EDAR: variants seen among roughly 807,000 people sequenced by gnomAD.
EDAR encodes ectodysplasin A receptor, also known as tumor necrosis factor receptor superfamily member EDAR.
Under a neutral mutation model 51.3 loss-of-function variants are expected in EDAR, and 38 were observed. That is an observed-to-expected ratio of 0.74 (90% CI 0.57 to 0.97). EDAR has a LOEUF of 0.97. Among genes scored for constraint, EDAR ranks in the 50% least tolerant of loss-of-function variants. The probability of loss-of-function intolerance (pLI) is 0.00; values close to 1 mark genes in which losing one functional copy is unlikely to be tolerated. For missense variants in EDAR, 528 were observed against 595.0 expected (o/e 0.89, Z 1.17); for synonymous variants, 227 against 242.1 (o/e 0.94, Z 0.58).
intron 3 of EDAR, among the ~76,000 whole-genome samples, 184 bp from the exon 4 acceptor site, chr2:108,929,563 C>T (rs371746070): frequency 6.6e-6 from 1 of 152,342 alleles, no homozygotes; most frequent in South Asian, 2.1e-4. Context: ...CTGGGCTTGC[C>T]CCTCTCCTCG....
At chr2:108,916,740 C>G (rs933050078) in intron 5 of EDAR, among the ~76,000 whole-genome samples, 3 of 152,042 alleles carry the variant, frequency 2.0e-5, no homozygotes, top group Admixed American at 6.6e-5. Context: ...GATGGTGGAC[C>G]CTGACATTTC....
chr2:108,907,968 G>A lies in EDAR; in HGVS notation c.855C>T (p.Asp285=), dbSNP rs1696843350. Residue 285 remains aspartate, a synonymous_variant, in exon 10 of 12, where the codon GAC becomes GAT. Transcript: ENST00000258443. ...TGTCAGGGGCGGGCTCCTCATCACT[G>A]TCGACGCTCCGGCTCAGCAGCTGCT... ...ENEQLLSRSV[D]SDEEPAPDKQ... 1 of 1,613,102 alleles carries A rather than the reference G, an allele frequency of 6.2e-7. No individual in the cohort carries two copies. The highest frequency in any genetic ancestry group is 8.5e-7 in the Non-Finnish European group (1 of 1,179,600).
chr2:108,941,102 G>A lies in EDAR; in HGVS notation c.-18-10070C>T, dbSNP rs149073014. ...TCTAGATCTTCATATACATGGAATC[G>A]GGCAGCTGGTTTCTTTCACTGAATA... On this transcript the variant is annotated intron_variant, in intron 1 of 11. Transcript: ENST00000258443. Among the ~76,000 whole-genome samples, 626 of 152,222 alleles carry A rather than the reference G, an allele frequency of 4.1e-3. 1 individual carries two copies. Among genetic ancestry groups the A allele is most frequent in the African/African-American group, 0.014 (596 of 41,540 alleles).
intron 2 of EDAR, 85 bp from the exon 3 acceptor site, chr2:108,930,327 AGGGG>A: frequency 6.3e-7 from 1 of 1,578,856 alleles, no homozygotes; most frequent in Non-Finnish European, 8.7e-7. Flanking sequence ...TGACATAGGA[AGGGG>A]GTGCCCTGCG....
chr2:108,945,186 C>A (rs1697692113), intron 1 of EDAR, among the ~76,000 whole-genome samples: 1 of 152,146 alleles, frequency 6.6e-6, no homozygotes, highest in South Asian at 2.1e-4. Flanking sequence ...CAGCCAAGCC[C>A]AGCTTGGGTG....
At chr2:108,899,933 C>T (rs901687723) in intron 11 of EDAR, among the ~76,000 whole-genome samples, 1 of 152,018 alleles carries the variant, frequency 6.6e-6, no homozygotes, top group East Asian at 1.9e-4. Flanking sequence ...TTGCAGTGAG[C>T]CGAGATCGTG....
chr2:108,960,416 C>T (rs1484235373), intron 1 of EDAR, among the ~76,000 whole-genome samples: 1 of 152,036 alleles, frequency 6.6e-6, no homozygotes, highest in Non-Finnish European at 1.5e-5. Context: ...CTGTGGTGCT[C>T]CCCCCAAAAA....
At chr2:108,913,219 G>C (rs982661480) in intron 5 of EDAR, among the ~76,000 whole-genome samples, 1 of 152,088 alleles carries the variant, frequency 6.6e-6, no homozygotes, top group Non-Finnish European at 1.5e-5. Flanking sequence ...AAAGTGCTGG[G>C]ATTACAGGCA....
At chr2:108,968,614 G>A (rs1176855358) in intron 1 of EDAR, among the ~76,000 whole-genome samples, 2 of 152,216 alleles carry the variant, frequency 1.3e-5, no homozygotes, top group East Asian at 3.9e-4. Context: ...CAGGCATGGT[G>A]TTCTCTTTTC....
At chr2:108,965,875 TC>T (rs1354213338) in intron 1 of EDAR, among the ~76,000 whole-genome samples, 1 of 151,246 alleles carries the variant, frequency 6.6e-6, no homozygotes. Context: ...CCTTCTGTGC[TC>T]CCCCCTCTCC....
rs574026688 is a variant in EDAR, at chr2:108,911,530, A to C, written c.530-458T>G. On this transcript the variant is annotated intron_variant, in intron 6 of 11. Coordinates refer to ENST00000258443, the MANE Select transcript of EDAR (RefSeq NM_022336.4). ...TTGCACCTCATGCAATTTCAACCTA[A>C]GTGTCATTGTAAGAGCCCCAGGGCA... Among the ~76,000 whole-genome samples, 7 of 152,248 alleles carry C rather than the reference A, an allele frequency of 4.6e-5. No individual in the cohort carries two copies. The East Asian group carries it at 7.7e-4, about 17-fold the overall frequency.
chr2:108,962,477 T>C (rs1443539791), intron 1 of EDAR, among the ~76,000 whole-genome samples: 1 of 151,684 alleles, frequency 6.6e-6, no homozygotes, highest in African/African-American at 2.4e-5. Flanking sequence ...ATCGAGACCA[T>C]CCTGGCGAAC....
rs143674939 is a variant in EDAR, at chr2:108,908,019, G to A, written c.804C>T (p.Ser268=). The A allele has an allele frequency of 1.4e-5, 22 of 1,607,098 alleles. No homozygotes were observed. The highest frequency in any genetic ancestry group is 5.3e-5 in the African/African-American group (4 of 74,778). ...LTATPAKPTK[S]ENDASSENEQ... is the part of the protein sequence containing the mutation. Reference sequence around the variant, plus strand: ...CATTCTCGGATGAGGCATCGTTCTCGCTGCAAAAACAAGAGCGATGGTCAT... The same window carrying A: ...CATTCTCGGATGAGGCATCGTTCTCACTGCAAAAACAAGAGCGATGGTCAT... Residue 268 remains serine (S), a splice_region_variant and synonymous_variant, in exon 10 of 12, where the codon AGC becomes AGT. Coordinates refer to ENST00000258443, the MANE Select transcript of EDAR (RefSeq NM_022336.4).
intron 1 of EDAR, among the ~76,000 whole-genome samples, chr2:108,960,816 T>C (rs1377424523): frequency 6.6e-6 from 1 of 152,230 alleles, no homozygotes; most frequent in East Asian, 1.9e-4. Context: ...TCCTGTTTGC[T>C]TAATGATTTA....
intron 1 of EDAR, among the ~76,000 whole-genome samples, chr2:108,958,838 T>C (rs1343015361): frequency 2.6e-5 from 4 of 152,232 alleles, no homozygotes; most frequent in South Asian, 4.1e-4. Context: ...CAGCCAGAGA[T>C]AGTGGGCTCT....
chr2:108,929,529 AC>A (rs1372529661), intron 3 of EDAR, 150 bp from the exon 4 acceptor site: 16 of 810,818 alleles, frequency 2.0e-5, no homozygotes, highest in Admixed American at 1.4e-4. Context: ...TAACTGCAAA[AC>A]CCCCCAGGAA....
chr2:108,985,151 T>G (rs1698476164), intron 1 of EDAR, among the ~76,000 whole-genome samples: 1 of 152,242 alleles, frequency 6.6e-6, no homozygotes, highest in African/African-American at 2.4e-5. Context: ...CTGTATCTTA[T>G]TTCAGTATTT....
chr2:108,896,918 C>A lies in EDAR; in HGVS notation c.1336G>T (p.Ala446Ser), dbSNP rs1270141741. 3.1e-6 allele frequency: 5 copies of A among 1,612,184 alleles called. No individual in the cohort carries two copies. The Admixed American group carries it at 6.7e-5, about 22-fold the overall frequency. ...CACAGGCATGCTTTTCAGGATGCAG[C>A]ATGTGGCTGGGAGGCAGGTGGCACA... Reference protein sequence around the residue: ...GVVPPASQPHAAS With the variant: ...GVVPPASQPHSAS The change falls in exon 12 of 12, where the codon GCT (alanine) becomes TCT (serine). Residue 446 changes from alanine (A) to serine (S), a missense_variant. By Grantham distance (99) the Ala-to-Ser change is moderately conservative. Transcript: ENST00000258443.
chr2:108,930,329 GGGGTGCCCTGCGGT>G (rs1193073737), intron 2 of EDAR, 87 bp from the exon 3 acceptor site: 2 of 1,568,606 alleles, frequency 1.3e-6, no homozygotes, highest in Non-Finnish European at 1.8e-6. Flanking sequence ...ACATAGGAAG[GGGGTGCCCTGCGGT>G]GGGGGCTCTG....
Sources: gnomAD v4.1 joint callset for allele counts (sites outside exome capture counted in the v4.1 genomes callset) on GRCh38, gnomAD v4.1.1 for gene constraint, MANE v1.5 for transcripts, NCBI Gene and HGNC (gene_info 2026-07-23, HGNC 2026-07-21) for gene names.